The following TTLL8 variants were observed in gnomAD, a reference collection of about 807,000 sequenced individuals.
The protein encoded by TTLL8 is protein monoglycylase TTLL8.
In TTLL8, 65 loss-of-function variants were observed where a neutral mutation model predicts 77.8. The observed-to-expected ratio is 0.84, with a 90% CI of 0.68 to 1.03. TTLL8 has a LOEUF of 1.03. Ranked by LOEUF, TTLL8 falls within the 50% of genes least tolerant of loss-of-function variation. TTLL8 has a pLI of 0.00. For synonymous variants in TTLL8, 402 were observed against 422.8 expected (o/e 0.95, Z 0.60); for missense variants, 910 against 1,004.5 (o/e 0.91, Z 1.27).
intron 1 of TTLL8, among the ~76,000 whole-genome samples, chr22:50,051,784 T>C (rs1412577408): frequency 6.6e-6 from 1 of 152,200 alleles, no homozygotes; most frequent in Admixed American, 6.5e-5. Context: ...TCCCTGAGAA[T>C]TAGTGATGCT....
rs55893423 is a variant in TTLL8 at position 50,053,221 on chromosome 22, C to CAAA, written c.51+1352_51+1354dup. On this transcript the variant is annotated intron_variant, in intron 1 of 13. Transcript: ENST00000266182. ...TGGGTGACAGAGCGAGACTCCATCT[C>CAAA]AAAAAAAAAAAAAAAAAGCACACTC... Among the ~76,000 whole-genome samples the CAAA allele has an allele frequency of 8.5e-3, 871 of 103,060 alleles. 20 individuals are homozygous for CAAA. The highest frequency in any genetic ancestry group is 0.066 in the Admixed American group (624 of 9,498). The allele number at this position is 103,060 out of a possible 152,430, so 67.6% of individuals were successfully genotyped here. A position where few individuals can be genotyped will look rare whatever the true frequency, so the allele number is the denominator to read the frequency against.
At chr22:50,038,598 G>T (rs1369120845) in intron 8 of TTLL8, among the ~76,000 whole-genome samples, 2 of 152,154 alleles carry the variant, frequency 1.3e-5, no homozygotes, top group Non-Finnish European at 2.9e-5. Context: ...GACTGCTTGA[G>T]GCCAGGCATT....
At chr22:50,050,672 G>C (rs549104589) in intron 1 of TTLL8, among the ~76,000 whole-genome samples, 1 of 152,126 alleles carries the variant, frequency 6.6e-6, no homozygotes, top group South Asian at 2.1e-4. Flanking sequence ...CCCAGCCCTA[G>C]GAGTTAAAAA....
At chr22:50,022,477 C>T (rs2061210236) in intron 12 of TTLL8, among the ~76,000 whole-genome samples, 1 of 151,740 alleles carries the variant, frequency 6.6e-6, no homozygotes. Context: ...CTGACGTGTA[C>T]TCCTCCATCT....
chr22:50,045,218 T>C (rs1307286985), intron 6 of TTLL8, 37 bp downstream of exon 8: 1 of 1,338,156 alleles, frequency 7.5e-7, no homozygotes. Flanking sequence ...CCCCGAGCTC[T>C]GGTGGCCTGG....
chr22:50,036,140 G>C (rs574869847), intron 8 of TTLL8, among the ~76,000 whole-genome samples: 7 of 152,316 alleles, frequency 4.6e-5, no homozygotes, highest in African/African-American at 1.7e-4. Context: ...TGACCCCAGG[G>C]CACACCTGCC....
chr22:50,030,217 C>G, intron 12 of TTLL8: 1 of 985,366 alleles, frequency 1.0e-6, no homozygotes, highest in Non-Finnish European at 1.2e-6. Context: ...CACTCCCACG[C>G]CCCCCACCCC....
At chr22:50,043,932 T>C (rs906728269) in intron 6 of TTLL8, among the ~76,000 whole-genome samples, 2 of 152,116 alleles carry the variant, frequency 1.3e-5, no homozygotes, top group African/African-American at 4.8e-5. Context: ...GATACTGGAA[T>C]GGTGGATACA....
At chr22:50,021,176 A>T (rs1450918131) in intron 12 of TTLL8, among the ~76,000 whole-genome samples, 1 of 132,472 alleles carries the variant, frequency 7.5e-6, no homozygotes, top group African/African-American at 2.9e-5. Context: ...GCACTCCTCC[A>T]TCTGACGTGC....
Position 50,041,880 on chromosome 22 carries a change from G to A in TTLL8, c.644-73C>T. On this transcript the variant is annotated intron_variant, in intron 6 of 13. Coordinates refer to ENST00000266182, the Ensembl canonical transcript of TTLL8. This position sits in a 1 kb window ranked among gnomAD's most constrained non-coding sequence, Gnocchi z 4.3. ...AGCCCTGCCCGCCTCGAGGGGTGAT[G>A]TCTAAAGTCATGGACAAAGGCTGCT... The A allele has an allele frequency of 2.4e-6, 3 of 1,250,328 alleles. No homozygotes were observed. Among genetic ancestry groups the A allele is most frequent in the Admixed American group, 5.6e-5 (2 of 36,010 alleles). The allele number at this position is 1,250,328 out of a possible 1,614,324, so 77.5% of individuals were successfully genotyped here.
intron 3 of TTLL8, 198 bp downstream of exon 5, chr22:50,049,051 C>T: frequency 1.5e-6 from 1 of 666,732 alleles, no homozygotes; most frequent in African/African-American, 2.0e-5. Context: ...AGCGGCTCAT[C>T]CAGCACCGAA....
intron 12 of TTLL8, 126 bp downstream of exon 13, chr22:50,030,304 C>A: frequency 1.8e-6 from 2 of 1,112,234 alleles, no homozygotes; most frequent in Non-Finnish European, 2.2e-6. Flanking sequence ...TCAGGGGACA[C>A]CCCGGGCCCC....
At chr22:50,053,064 A>T (rs2061452294) in intron 1 of TTLL8, among the ~76,000 whole-genome samples, 1 of 152,190 alleles carries the variant, frequency 6.6e-6, no homozygotes, top group Non-Finnish European at 1.5e-5. Context: ...TCTACTAAAA[A>T]TACAAAAATT....
chr22:50,056,860 G>A (rs1289722685), upstream of TTLL8: 7 of 1,289,584 alleles, frequency 5.4e-6, no homozygotes, highest in East Asian at 5.5e-5. The surrounding 1 kb of genome is among the most constrained non-coding windows in gnomAD (Gnocchi z 4.1). Context: ...GGCAATACAC[G>A]ATACCCACTA....
chr22:50,030,649 C>T, exon 12 of TTLL8: 2 of 1,284,202 alleles, frequency 1.6e-6, no homozygotes, highest in Non-Finnish European at 1.0e-6. Flanking sequence ...TGTGCGGCTC[C>T]ACCGCTCTCG....
chr22:50,053,538 T>A (rs2061455344), intron 1 of TTLL8, among the ~76,000 whole-genome samples: 1 of 152,206 alleles, frequency 6.6e-6, no homozygotes, highest in Non-Finnish European at 1.5e-5. Context: ...CCTTAAATGT[T>A]TATACATTTA....
Position 50,034,027 on chromosome 22 carries a change from C to G in TTLL8, c.1039+318G>C, listed in dbSNP as rs2061317699. Among the ~76,000 whole-genome samples, 1 of 152,140 alleles carries G rather than the reference C, an allele frequency of 6.6e-6. No homozygotes were observed. The highest frequency in any genetic ancestry group is 1.5e-5 in the Non-Finnish European group (1 of 68,020). ...CAGCCTGGGCAACAAGAGTGAAACT[C>G]CGTTTCAAAAAACTAAAAATAAAAT... On this transcript the variant is annotated intron_variant, in intron 9 of 13. Coordinates refer to ENST00000266182, the Ensembl canonical transcript of TTLL8. The surrounding 1 kb of genome is among the most constrained non-coding windows in gnomAD (Gnocchi z 4.1).
intron 8 of TTLL8, among the ~76,000 whole-genome samples, chr22:50,039,528 T>C (rs1392697390): frequency 1.3e-5 from 2 of 152,188 alleles, no homozygotes; most frequent in African/African-American, 4.8e-5. Context: ...AAGAAACTAC[T>C]TGTAGAAGCA....
At chr22:50,047,228 G>A in exon 4 of TTLL8, 4 of 1,367,698 alleles carry the variant, frequency 2.9e-6, no homozygotes, top group Non-Finnish European at 3.9e-6. Flanking sequence ...AGGTCAGGCT[G>A]TGATAGTCAA....
Sources: allele counts gnomAD v4.1 joint callset (sites outside exome capture counted in the v4.1 genomes callset), GRCh38; gene constraint gnomAD v4.1.1; non-coding constraint Gnocchi (gnomAD v3.1); transcripts MANE v1.5; gene names NCBI Gene and HGNC (gene_info 2026-07-23, HGNC 2026-07-21).